The following NEDD4L variants were observed in gnomAD, a reference collection of about 807,000 sequenced individuals.
NEDD4L encodes the protein E3 ubiquitin-protein ligase NEDD4-like.
Under a neutral mutation model 148.9 loss-of-function variants are expected in NEDD4L, and 54 were observed. The ratio of observed to expected loss-of-function variants is 0.36; its 90% CI spans 0.29 to 0.45. The LOEUF is 0.45. NEDD4L is among the 20% of genes least tolerant of loss of function. The pLI is 1.00. For missense variants in NEDD4L, 856 were observed against 1,233.8 expected (o/e 0.69, Z 4.59); for synonymous variants, 433 against 440.7 (o/e 0.98, Z 0.22).
At chr18:58,179,679 G>A (rs2038607355) in intron 2 of NEDD4L, among the ~76,000 whole-genome samples, 8 of 151,830 alleles carry the variant, frequency 5.3e-5, no homozygotes, top group Admixed American at 5.3e-4. Context: ...TGCATGTGAG[G>A]GATCTAGGTT....
Position 58,106,367 on chromosome 18 carries a change from C to CCTA in NEDD4L, c.49-59418_49-59416dup, listed in dbSNP as rs753935686. 5.9e-5 allele frequency among the ~76,000 whole-genome samples: 9 copies of CCTA among 152,334 alleles called. No homozygotes were observed. In the East Asian group the frequency reaches 1.3e-3, roughly 23 times the overall value. On this transcript the variant is annotated intron_variant, in intron 1 of 30. Coordinates refer to ENST00000400345, the MANE Select transcript of NEDD4L (RefSeq NM_001144967.3). ...TGTAGGTATTTAAGATAAGTTTGAACCTACTGGTCTGTGGGAAGGTACCGA... is the reference window on the plus strand; with the variant it reads ...TGTAGGTATTTAAGATAAGTTTGAACCTACTACTGGTCTGTGGGAAGGTACCGA...
At chr18:58,156,280 C>CTTAT (rs2035483346) in intron 1 of NEDD4L, among the ~76,000 whole-genome samples, 1 of 152,106 alleles carries the variant, frequency 6.6e-6, no homozygotes, top group African/African-American at 2.4e-5. Context: ...CTTCGGATAC[C>CTTAT]CCCTTCCGCA....
At chr18:58,107,216 C>T (rs1199045019) in intron 1 of NEDD4L, among the ~76,000 whole-genome samples, 3 of 152,172 alleles carry the variant, frequency 2.0e-5, no homozygotes, top group African/African-American at 7.2e-5. Context: ...AACCCTGACT[C>T]CTTATACAGT....
At chr18:58,125,238 A>C (rs1049902860) in intron 1 of NEDD4L, among the ~76,000 whole-genome samples, 9 of 152,204 alleles carry the variant, frequency 5.9e-5, no homozygotes, top group African/African-American at 2.2e-4. Context: ...TCAGGCACAG[A>C]GAAGTTAAAT....
In NEDD4L at chr18:58,234,045, T is replaced by TTTTCTTTCTTTCTTTC. The variant is rs1156456436; in HGVS notation, c.123-11338_123-11323dup. Among the ~76,000 whole-genome samples the TTTTCTTTCTTTCTTTC allele has an allele frequency of 5.7e-3, 669 of 117,834 alleles. 6 individuals are homozygous for TTTTCTTTCTTTCTTTC. The highest frequency in any genetic ancestry group is 9.9e-3 in the East Asian group (38 of 3,820). 77.3% of individuals were successfully genotyped at this position (117,834 alleles called of 152,430 possible). ...CAACCTAATGACCTCATTTCTTTCC[T>TTTTCTTTCTTTCTTTC]TTTCTTTCTTTCTTTCTTTCTTTCT... is the stretch of plus-strand genomic sequence containing the variant. On this transcript the variant is annotated intron_variant, in intron 2 of 30. Transcript: ENST00000400345.
intron 15 of NEDD4L, among the ~76,000 whole-genome samples, chr18:58,342,269 G>C (rs1165502644): frequency 6.6e-6 from 1 of 152,150 alleles, no homozygotes; most frequent in African/African-American, 2.4e-5. Context: ...CATCATGGCT[G>C]GGCATCTGCT....
chr18:58,369,995 G>T (rs148919230), intron 22 of NEDD4L, among the ~76,000 whole-genome samples: 1,980 of 152,306 alleles, frequency 0.013, 46 homozygotes, highest in African/African-American at 0.045. Context: ...AGCACCCCAT[G>T]TGGGCTCTGC....
Position 58,176,816 on chromosome 18 carries a change from G to A in NEDD4L, c.122+10955G>A, listed in dbSNP as rs140777049. Among the ~76,000 whole-genome samples, 36 of 152,282 alleles carry A rather than the reference G, an allele frequency of 2.4e-4. 1 individual carries two copies. In the East Asian group the frequency reaches 6.2e-3, roughly 26 times the overall value. On this transcript the variant is annotated intron_variant, in intron 2 of 30. Coordinates refer to ENST00000400345, the MANE Select transcript of NEDD4L (RefSeq NM_001144967.3). ...GAAAACTACAAGACTTCTTGCCCTC[G>A]TTTTCTTCAGTCTAGAATGATGCTG...
rs187865556 is a variant in NEDD4L at position 58,250,356 on chromosome 18, G to T, written c.243+1419G>T. 1.7e-3 allele frequency among the ~76,000 whole-genome samples: 263 copies of T among 152,166 alleles called. 1 individual carries two copies. The highest frequency in any genetic ancestry group is 6.0e-3 in the African/African-American group (247 of 41,508). On this transcript the variant is annotated intron_variant, in intron 4 of 30. Coordinates refer to ENST00000400345, the MANE Select transcript of NEDD4L (RefSeq NM_001144967.3). ...GTAGAGATGAGGTTTCACCATGTTGGCCAGGCTGGTCTCACTCTCCTGACC... is the reference window on the plus strand; with the variant it reads ...GTAGAGATGAGGTTTCACCATGTTGTCCAGGCTGGTCTCACTCTCCTGACC...
intron 2 of NEDD4L, among the ~76,000 whole-genome samples, chr18:58,181,868 C>G (rs972813223): frequency 3.9e-5 from 6 of 152,012 alleles, no homozygotes; most frequent in Non-Finnish European, 7.4e-5. Context: ...TTTAGTATTT[C>G]AAAAAGTTAA....
chr18:58,178,271 G>A (rs1167252854), intron 2 of NEDD4L, among the ~76,000 whole-genome samples: 1 of 152,226 alleles, frequency 6.6e-6, no homozygotes, highest in Non-Finnish European at 1.5e-5. Context: ...TTCTGGGCCA[G>A]GGAATGGGGT....
chr18:58,180,538 C>T (rs2038745413), intron 2 of NEDD4L, among the ~76,000 whole-genome samples: 1 of 152,208 alleles, frequency 6.6e-6, no homozygotes, highest in Non-Finnish European at 1.5e-5. Flanking sequence ...GTTCTTCTGC[C>T]CCTCCTTGGC....
chr18:58,341,741 A>T lies in NEDD4L; in HGVS notation c.1321A>T (p.Ile441Phe). ...TAACAACCATCTAATCGAGCCTCAG[A>T]TCCGCCGGCCTCGTAGCCTCAGCTC... ...NSNNHLIEPQ[I>F]RRPRSLSSPT... Residue 441 changes from isoleucine to phenylalanine, a missense_variant, in exon 15 of 31, where the codon ATC becomes TTC. Physicochemically the swap from Ile to Phe is conservative, Grantham distance 21 (BLOSUM62 0). This residue lies in a region of NEDD4L where 367 missense variants were observed against 422.7 expected (regional missense o/e 0.87). Transcript: ENST00000400345. 6.2e-7 allele frequency: 1 copy of T among 1,613,908 alleles called. No individual in the cohort carries two copies. Among genetic ancestry groups the T allele is most frequent in the Non-Finnish European group, 8.5e-7 (1 of 1,179,872 alleles).
chr18:58,112,629 C>G (rs1446046439), intron 1 of NEDD4L, among the ~76,000 whole-genome samples: 6 of 152,196 alleles, frequency 3.9e-5, no homozygotes, highest in Middle Eastern at 6.8e-3. Flanking sequence ...GCTGGGATTA[C>G]AGGCATGTGC....
chr18:58,199,268 A>G (rs2041115259), intron 2 of NEDD4L, among the ~76,000 whole-genome samples: 2 of 152,320 alleles, frequency 1.3e-5, no homozygotes, highest in East Asian at 3.9e-4. Flanking sequence ...AATTGCTTAA[A>G]GCCGGTGGTT....
chr18:58,228,718 G>A (rs912864737), intron 2 of NEDD4L, among the ~76,000 whole-genome samples: 2 of 152,196 alleles, frequency 1.3e-5, no homozygotes, highest in Non-Finnish European at 2.9e-5. Flanking sequence ...TAGTCAGGGA[G>A]GTCTGTGTGG....
chr18:58,181,008 A>G (rs2038804986), intron 2 of NEDD4L, among the ~76,000 whole-genome samples: 1 of 152,236 alleles, frequency 6.6e-6, no homozygotes, highest in Non-Finnish European at 1.5e-5. Context: ...CGAATAGTCG[A>G]TTGGAGTTCT....
intron 5 of NEDD4L, among the ~76,000 whole-genome samples, chr18:58,279,812 A>G (rs1020813657): frequency 1.3e-5 from 2 of 152,222 alleles, no homozygotes; most frequent in African/African-American, 2.4e-5. Flanking sequence ...TGTGGCCTCT[A>G]TTTAGTCCAT....
intron 5 of NEDD4L, chr18:58,255,644 G>A: frequency 1.6e-6 from 2 of 1,232,466 alleles, no homozygotes; most frequent in Non-Finnish European, 2.0e-6. Flanking sequence ...GGTCACCATG[G>A]CCCATCGGCT....
Sources: allele counts gnomAD v4.1 joint callset (sites outside exome capture counted in the v4.1 genomes callset), GRCh38; gene constraint gnomAD v4.1.1; regional missense constraint gnomAD v4.1.1; transcripts MANE v1.5; gene names NCBI Gene and HGNC (gene_info 2026-07-23, HGNC 2026-07-21).